SNTG1: variants seen among roughly 807,000 people sequenced by gnomAD.
SNTG1 encodes the protein syntrophin gamma 1.
Under a neutral mutation model 74.7 loss-of-function variants are expected in SNTG1, and 39 were observed. The ratio of observed to expected loss-of-function variants is 0.52; its 90% CI spans 0.40 to 0.68. The LOEUF is 0.68. Among genes scored for constraint, SNTG1 ranks in the 30% least tolerant of loss-of-function variants. The pLI is 0.00. For synonymous variants in SNTG1, 254 were observed against 217.1 expected, an observed-to-expected ratio of 1.17 and a Z score of -1.49; for missense variants, 685 against 609.5, an observed-to-expected ratio of 1.12 and a Z score of -1.30.
At chr8:50,727,245 A>C (rs2095502369) in intron 17 of SNTG1, among the ~76,000 whole-genome samples, 1 of 152,216 alleles carries the variant, frequency 6.6e-6, no homozygotes, top group Admixed American at 6.5e-5. Flanking sequence ...AATGCTTAGA[A>C]GATGGAGTAA....
chr8:50,152,826 C>A (rs1448036393), intron 1 of SNTG1, among the ~76,000 whole-genome samples: 1 of 152,160 alleles, frequency 6.6e-6, no homozygotes, highest in Non-Finnish European at 1.5e-5. Flanking sequence ...TTCTCTCTGG[C>A]TGCCCTTAAC....
At chr8:50,094,770 C>A (rs971336353) in intron 1 of SNTG1, among the ~76,000 whole-genome samples, 2 of 152,126 alleles carry the variant, frequency 1.3e-5, no homozygotes, top group Non-Finnish European at 2.9e-5. Context: ...GGATTTAAAA[C>A]AGAACTGCTA....
intron 1 of SNTG1, among the ~76,000 whole-genome samples, chr8:50,021,942 A>T (rs1287659830): frequency 9.1e-6 from 1 of 109,324 alleles, no homozygotes; most frequent in African/African-American, 3.1e-5. Context: ...CCCTCTCAAA[A>T]AAAAAATAAA....
intron 2 of SNTG1, among the ~76,000 whole-genome samples, chr8:50,299,479 T>C (rs2089545543): frequency 6.6e-6 from 1 of 152,128 alleles, no homozygotes; most frequent in Non-Finnish European, 1.5e-5. Context: ...AAATAGTCTT[T>C]TGGGGAACAA....
chr8:49,942,438 T>C (rs1007776122), intron 1 of SNTG1, among the ~76,000 whole-genome samples: 2 of 152,208 alleles, frequency 1.3e-5, no homozygotes, highest in African/African-American at 4.8e-5. Context: ...ACTAGTATGG[T>C]ATATTTTCTA....
At chr8:50,650,643 AT>A (rs1441298701) in intron 13 of SNTG1, among the ~76,000 whole-genome samples, 2 of 152,052 alleles carry the variant, frequency 1.3e-5, no homozygotes, top group African/African-American at 4.8e-5. Context: ...TTTAAAACAA[AT>A]TTCTTTCTGC....
At chr8:50,078,349 T>C (rs1586173062) in intron 1 of SNTG1, among the ~76,000 whole-genome samples, 1 of 152,180 alleles carries the variant, frequency 6.6e-6, no homozygotes, top group Non-Finnish European at 1.5e-5. Context: ...AATCTATATA[T>C]ACATTTGCAG....
chr8:50,218,809 T>G (rs1341046176), intron 2 of SNTG1, among the ~76,000 whole-genome samples: 2 of 152,176 alleles, frequency 1.3e-5, no homozygotes, highest in East Asian at 3.9e-4. Flanking sequence ...ACAAATATCC[T>G]CTTTATGTAG....
In SNTG1 at chr8:50,756,202, T is replaced by C. The variant is rs542624023; in HGVS notation, c.1395+4091T>C. Among the ~76,000 whole-genome samples the C allele has an allele frequency of 1.0e-3, 158 of 152,002 alleles. 1 individual carries two copies. The highest frequency in any genetic ancestry group is 3.7e-3 in the African/African-American group (152 of 41,554). The stretch of plus-strand genomic sequence containing the variant: ...AAATATTTTTGTCCAATCTGCAGTG[T>C]GTCTTTTTGCTCTCTTGAGAATGTC... On this transcript the variant is annotated intron_variant, in intron 18 of 18. Coordinates refer to ENST00000642720, the MANE Select transcript of SNTG1 (RefSeq NM_018967.5).
rs1198612775 is a variant in SNTG1, at chr8:50,379,005, C to G, written c.-27-15207C>G. On this transcript the variant is annotated intron_variant, in intron 2 of 18. Coordinates refer to ENST00000642720, the MANE Select transcript of SNTG1 (RefSeq NM_018967.5). ...TGGAGCCTTACCAGGGTCTTGCCCC[C>G]TTTCACCCAGGAACCTGTCTGCATT... 2.0e-5 allele frequency among the ~76,000 whole-genome samples: 3 copies of G among 152,136 alleles called. No individual in the cohort carries two copies. The East Asian group carries it at 5.8e-4, about 30-fold the overall frequency.
chr8:49,950,083 T>G (rs947343333), intron 1 of SNTG1, among the ~76,000 whole-genome samples: 1 of 152,172 alleles, frequency 6.6e-6, no homozygotes, highest in African/African-American at 2.4e-5. Flanking sequence ...GCTGAGATCA[T>G]GCCACCACAC....
intron 13 of SNTG1, among the ~76,000 whole-genome samples, chr8:50,594,266 T>C (rs2094712216): frequency 6.6e-6 from 1 of 152,164 alleles, no homozygotes; most frequent in Admixed American, 6.5e-5. Context: ...ATTATGTGTG[T>C]CATTTTTACT....
intron 8 of SNTG1, among the ~76,000 whole-genome samples, chr8:50,482,388 C>T (rs924180529): frequency 6.6e-6 from 1 of 152,136 alleles, no homozygotes; most frequent in Admixed American, 6.6e-5. Flanking sequence ...TTCCCCGTCC[C>T]CGCCTACTTA....
rs75429213 is a variant in SNTG1, at chr8:50,409,772, A to T, written c.162+7428A>T. Among the ~76,000 whole-genome samples, 381 of 152,354 alleles carry T rather than the reference A, an allele frequency of 2.5e-3. 3 individuals are homozygous for T. Among genetic ancestry groups the T allele is most frequent in the African/African-American group, 8.9e-3 (368 of 41,580 alleles). On this transcript the variant is annotated intron_variant, in intron 4 of 18. Coordinates refer to ENST00000642720, the MANE Select transcript of SNTG1 (RefSeq NM_018967.5). Reference sequence around the variant, plus strand: ...TGTGCTAGTTTTAAATATTGACGAAATATTTTTAAAAGGTAAATGAGGGTA... The same window carrying T: ...TGTGCTAGTTTTAAATATTGACGAATTATTTTTAAAAGGTAAATGAGGGTA...
At chr8:50,583,582 A>G (rs1023187605) in intron 12 of SNTG1, among the ~76,000 whole-genome samples, 9 of 151,994 alleles carry the variant, frequency 5.9e-5, no homozygotes, top group African/African-American at 2.2e-4. Context: ...TTACTACCCA[A>G]TGGAAGGAAA....
chr8:50,767,443 T>C (rs1443273938), intron 18 of SNTG1, among the ~76,000 whole-genome samples: 1 of 151,998 alleles, frequency 6.6e-6, no homozygotes, highest in African/African-American at 2.4e-5. Context: ...AAAAACCTTT[T>C]ATACTTTCTT....
chr8:50,299,546 C>T (rs954254066), intron 2 of SNTG1, among the ~76,000 whole-genome samples: 5 of 151,952 alleles, frequency 3.3e-5, no homozygotes, highest in African/African-American at 1.2e-4. Flanking sequence ...ATATTTGAGT[C>T]ACATGTGCAA....
intron 2 of SNTG1, among the ~76,000 whole-genome samples, chr8:50,332,997 T>C (rs1467784280): frequency 6.6e-6 from 1 of 152,244 alleles, no homozygotes. Context: ...GCAAATATGG[T>C]AAAATATATT....
At chr8:50,118,066 C>A (rs56194053) in intron 1 of SNTG1, among the ~76,000 whole-genome samples, 1 of 152,040 alleles carries the variant, frequency 6.6e-6, no homozygotes, top group Non-Finnish European at 1.5e-5. Context: ...TCTCTATTTT[C>A]CAAATGTATG....
Sources: allele counts gnomAD v4.1 joint callset (sites outside exome capture counted in the v4.1 genomes callset), GRCh38; gene constraint gnomAD v4.1.1; transcripts MANE v1.5; gene names NCBI Gene and HGNC (gene_info 2026-07-23, HGNC 2026-07-21).